The following ERC2 variants were observed in gnomAD, a reference collection of about 807,000 sequenced individuals.
ERC2 encodes ELKS/RAB6-interacting/CAST family member 2.
In ERC2, 42 loss-of-function variants were observed where a neutral mutation model predicts 114.8. That is an observed-to-expected ratio of 0.37 (90% CI 0.29 to 0.47). ERC2 has a LOEUF of 0.47. Among genes scored for constraint, ERC2 ranks in the 20% least tolerant of loss-of-function variants. The probability of loss-of-function intolerance (pLI) is 0.99; values close to 1 mark genes in which losing one functional copy is unlikely to be tolerated. For synonymous variants in ERC2, 454 were observed against 425.5 expected (o/e 1.07, Z -0.82); for missense variants, 939 against 1,150.7 (o/e 0.82, Z 2.66).
intron 4 of ERC2, among the ~76,000 whole-genome samples, chr3:56,162,786 T>C (rs2082119988): frequency 6.6e-6 from 1 of 152,126 alleles, no homozygotes; most frequent in Non-Finnish European, 1.5e-5. Flanking sequence ...ATCTAGCTAA[T>C]GGTCTATCAA....
rs972189233 is a variant in ERC2 at position 55,985,862 on chromosome 3, G to A, written c.2267+115C>T. On this transcript the variant is annotated intron_variant, in intron 12 of 17. Transcript: ENST00000288221. Reference sequence around the variant, plus strand: ...AAGGCATGGAATGAAATGAGCGGGGGGAAATGCAGTGGCCCGAGGAAAACC... The same window carrying A: ...AAGGCATGGAATGAAATGAGCGGGGAGAAATGCAGTGGCCCGAGGAAAACC... The A allele has an allele frequency of 3.7e-5, 33 of 883,158 alleles. No homozygotes were observed. In the African/African-American group the frequency reaches 4.5e-4, roughly 12 times the overall value. 54.7% of individuals were successfully genotyped at this position (883,158 alleles called of 1,614,324 possible). A position where few individuals can be genotyped will look rare whatever the true frequency, so the allele number is the denominator to read the frequency against.
rs148993948 is a variant in ERC2 at position 56,162,074 on chromosome 3, T to C, written c.1149+11372A>G. Among the ~76,000 whole-genome samples, 42 of 152,300 alleles carry C rather than the reference T, an allele frequency of 2.8e-4. No homozygotes were observed. The East Asian group carries it at 5.2e-3, about 19-fold the overall frequency. ...GTATGTTGCTTCAATGCCTAATTTC[T>C]TGAGGGTTTTTATCATGAAGGGATG... On this transcript the variant is annotated intron_variant, in intron 4 of 17. Transcript: ENST00000288221.
intron 6 of ERC2, among the ~76,000 whole-genome samples, chr3:56,094,568 T>C (rs1376628088): frequency 6.6e-6 from 1 of 152,200 alleles, no homozygotes; most frequent in African/African-American, 2.4e-5. Flanking sequence ...AAAAATAAAA[T>C]TGAGATAAAA....
chr3:56,370,414 G>A (rs2059318015), intron 2 of ERC2, among the ~76,000 whole-genome samples: 1 of 152,110 alleles, frequency 6.6e-6, no homozygotes, highest in Non-Finnish European at 1.5e-5. Flanking sequence ...TTTGGACTGG[G>A]ATCAAGGAAG....
chr3:56,076,037 T>A (rs1046982431), intron 7 of ERC2, among the ~76,000 whole-genome samples: 7 of 152,134 alleles, frequency 4.6e-5, no homozygotes, highest in African/African-American at 1.4e-4. Context: ...ATCAACCTGC[T>A]GAAGTGGAAA....
chr3:56,171,113 G>T (rs916407945), intron 4 of ERC2, among the ~76,000 whole-genome samples: 7 of 152,118 alleles, frequency 4.6e-5, no homozygotes, highest in African/African-American at 1.7e-4. Flanking sequence ...AGATGACATT[G>T]ATGTTTACCC....
At chr3:56,040,373 T>C (rs554267130) in intron 7 of ERC2, among the ~76,000 whole-genome samples, 1 of 151,456 alleles carries the variant, frequency 6.6e-6, no homozygotes, top group African/African-American at 2.4e-5. Context: ...GCCATTCTTT[T>C]AGACAGGGTC....
chr3:55,641,729 C>T lies in ERC2; in HGVS notation c.*39+42065G>A, dbSNP rs115640959. On this transcript the variant is annotated intron_variant, in intron 17 of 17. Transcript: ENST00000288221. Reference sequence around the variant, plus strand: ...TCCCTACTGATGCCTCTCTCCTTTTCCTTCTACTGTTTTGGTTATCATGAA... The same window carrying T: ...TCCCTACTGATGCCTCTCTCCTTTTTCTTCTACTGTTTTGGTTATCATGAA... Among the ~76,000 whole-genome samples, 759 of 152,178 alleles carry T rather than the reference C, an allele frequency of 5.0e-3. 4 individuals are homozygous for T. Among genetic ancestry groups the T allele is most frequent in the African/African-American group, 0.017 (715 of 41,506 alleles).
chr3:55,993,931 A>T (rs927630147), intron 10 of ERC2, among the ~76,000 whole-genome samples: 1 of 152,160 alleles, frequency 6.6e-6, no homozygotes. Flanking sequence ...TAAATTTCCT[A>T]ATCTCCACTT....
intron 2 of ERC2, among the ~76,000 whole-genome samples, chr3:56,416,072 G>C (rs1447150076): frequency 6.6e-6 from 1 of 152,158 alleles, no homozygotes; most frequent in Non-Finnish European, 1.5e-5. Context: ...GATGCAGCAG[G>C]GGAAACTGAG....
chr3:56,112,634 A>G (rs2079025003), intron 6 of ERC2, among the ~76,000 whole-genome samples: 1 of 152,234 alleles, frequency 6.6e-6, no homozygotes, highest in African/African-American at 2.4e-5. Flanking sequence ...TCACTATTTT[A>G]AAATTCGTAA....
chr3:55,724,975 C>T (rs1352213556), intron 15 of ERC2, among the ~76,000 whole-genome samples: 1 of 152,172 alleles, frequency 6.6e-6, no homozygotes, highest in African/African-American at 2.4e-5. Flanking sequence ...CATGCGTTAT[C>T]ACTTAAAGAA....
chr3:55,528,489 G>A (rs1275541373), intron 17 of ERC2, among the ~76,000 whole-genome samples: 2 of 152,100 alleles, frequency 1.3e-5, no homozygotes, highest in African/African-American at 4.8e-5. Flanking sequence ...TACCTACTAT[G>A]TGCTGGGCAC....
chr3:56,083,297 A>G (rs568107159), intron 6 of ERC2, among the ~76,000 whole-genome samples: 1 of 152,272 alleles, frequency 6.6e-6, no homozygotes, highest in East Asian at 1.9e-4. Flanking sequence ...AATCTAGAGG[A>G]TTTATGGCAT....
intron 3 of ERC2, among the ~76,000 whole-genome samples, chr3:56,280,256 G>A (rs2054259919): frequency 6.6e-6 from 1 of 152,158 alleles, no homozygotes; most frequent in South Asian, 2.1e-4. Flanking sequence ...CTTCCAGAAG[G>A]AATGCAGGCC....
At chr3:55,559,830 C>T (rs969302488) in intron 17 of ERC2, among the ~76,000 whole-genome samples, 2 of 152,336 alleles carry the variant, frequency 1.3e-5, no homozygotes, top group South Asian at 2.1e-4. Flanking sequence ...TTCAGCTTCT[C>T]CCCAGGCAAG....
At chr3:55,975,962 C>T (rs527260081) in intron 12 of ERC2, among the ~76,000 whole-genome samples, 21 of 152,272 alleles carry the variant, frequency 1.4e-4, no homozygotes, top group Non-Finnish European at 2.9e-4. Context: ...TCTGAATGTC[C>T]ATGACATTCA....
chr3:55,956,477 T>C (rs2067963692), intron 12 of ERC2, among the ~76,000 whole-genome samples: 2 of 152,152 alleles, frequency 1.3e-5, no homozygotes, highest in South Asian at 4.1e-4. Context: ...TACCATTCAG[T>C]ACTCCAGCAA....
At chr3:55,886,345 T>C (rs1488494844) in intron 14 of ERC2, among the ~76,000 whole-genome samples, 1 of 152,214 alleles carries the variant, frequency 6.6e-6, no homozygotes, top group East Asian at 1.9e-4. Context: ...ATTTTTAATC[T>C]CCATTCAAAA....
Sources: gnomAD v4.1 joint callset for allele counts (sites outside exome capture counted in the v4.1 genomes callset) on GRCh38, gnomAD v4.1.1 for gene constraint, MANE v1.5 for transcripts, NCBI Gene and HGNC (gene_info 2026-07-23, HGNC 2026-07-21) for gene names.